GRXCR2: variants seen among roughly 807,000 people sequenced by gnomAD.
GRXCR2 encodes glutaredoxin and cysteine rich domain containing 2, also known as glutaredoxin domain-containing cysteine-rich protein 2.
A neutral mutation model predicts 24.8 loss-of-function variants in GRXCR2; 23 were observed. The observed-to-expected ratio is 0.93, with a 90% CI of 0.67 to 1.32. The LOEUF (loss-of-function observed/expected upper bound fraction) is 1.32. Among genes scored for constraint, GRXCR2 ranks in the 40% most tolerant of loss-of-function variants. The probability of loss-of-function intolerance (pLI) is 0.00; values close to 1 mark genes in which losing one functional copy is unlikely to be tolerated. For missense variants in GRXCR2, 315 were observed against 303.4 expected (o/e 1.04, Z -0.28); for synonymous variants, 130 against 116.1 (o/e 1.12, Z -0.77).
At chr5:145,924,204 G>A (rs1757361688) in intron 2 of GRXCR2, among the ~76,000 whole-genome samples, 1 of 152,122 alleles carries the variant, frequency 6.6e-6, no homozygotes, top group Non-Finnish European at 1.5e-5. Flanking sequence ...ATCTCAAATG[G>A]CAGAGCTAGA....
At chr5:145,862,230 T>C (rs2149908148) in intron 2 of GRXCR2, among the ~76,000 whole-genome samples, 1 of 152,310 alleles carries the variant, frequency 6.6e-6, no homozygotes, top group African/African-American at 2.4e-5. Flanking sequence ...TTCATTTGCA[T>C]AAAACGCCAG....
At chr5:145,864,080 T>G (rs1383998669) in intron 2 of GRXCR2, among the ~76,000 whole-genome samples, 1 of 152,072 alleles carries the variant, frequency 6.6e-6, no homozygotes, top group Non-Finnish European at 1.5e-5. Flanking sequence ...ATGAGGGGTG[T>G]AAGGTGCCCT....
At chr5:145,928,513 A>T in intron 2 of GRXCR2, among the ~76,000 whole-genome samples, 1 of 152,186 alleles carries the variant, frequency 6.6e-6, no homozygotes, top group East Asian at 1.9e-4. Flanking sequence ...CAAATGTCCA[A>T]AAATGATAGA....
At chr5:145,914,674 T>C (rs1581353425) in intron 2 of GRXCR2, among the ~76,000 whole-genome samples, 1 of 51,772 alleles carries the variant, frequency 1.9e-5, no homozygotes, top group African/African-American at 9.6e-5. Flanking sequence ...AGACTCCATC[T>C]CAAAAAAAAA....
intron 2 of GRXCR2, among the ~76,000 whole-genome samples, chr5:145,926,755 T>C (rs1757403269): frequency 6.6e-6 from 1 of 152,244 alleles, no homozygotes; most frequent in African/African-American, 2.4e-5. Flanking sequence ...TTTTTAGCAA[T>C]TCTGTGAAGA....
Position 145,858,833 on chromosome 5 carries a change from C to T in GRXCR2, c.*900G>A, listed in dbSNP as rs987347174. On this transcript the variant is annotated 3_prime_UTR_variant, in exon 3 of 3. Transcript: ENST00000377976. ...ATATTCATGGATAGTAGAAACATTACTGCTAAAAATCAGCCTTGGTTAATT... is the reference window on the plus strand; with the variant it reads ...ATATTCATGGATAGTAGAAACATTATTGCTAAAAATCAGCCTTGGTTAATT... 2.0e-5 allele frequency: 3 copies of T among 152,138 alleles called. No individual in the cohort carries two copies. In the East Asian group the frequency reaches 5.8e-4, roughly 29 times the overall value. The allele number at this position is 152,138 out of a possible 1,614,324, so 9.4% of individuals were successfully genotyped here.
At chr5:145,869,724 A>AT (rs1173951668) in intron 1 of GRXCR2, among the ~76,000 whole-genome samples, 1 of 151,872 alleles carries the variant, frequency 6.6e-6, no homozygotes, top group Admixed American at 6.6e-5. Flanking sequence ...CACCTGGCTA[A>AT]TTTTTTGTAT....
intron 2 of GRXCR2, among the ~76,000 whole-genome samples, chr5:145,919,268 T>C (rs1356025824): frequency 6.6e-6 from 1 of 152,158 alleles, no homozygotes; most frequent in African/African-American, 2.4e-5. Flanking sequence ...GTGACAGCCC[T>C]GGGAGGGCAT....
chr5:145,882,981 T>C (rs1274837904), intron 2 of GRXCR2, among the ~76,000 whole-genome samples: 1 of 128,734 alleles, frequency 7.8e-6, no homozygotes, highest in African/African-American at 3.0e-5. Context: ...ATGAGAACAT[T>C]TGGACACAGG....
upstream of GRXCR2, among the ~76,000 whole-genome samples, chr5:145,877,096 T>C (rs1291913879): frequency 1.3e-5 from 2 of 152,076 alleles, no homozygotes; most frequent in African/African-American, 4.8e-5. Context: ...AAAAATCCAT[T>C]GCTTTCTACC....
At chr5:145,869,585 T>C (rs1354197360) in intron 1 of GRXCR2, among the ~76,000 whole-genome samples, 1 of 141,742 alleles carries the variant, frequency 7.1e-6, no homozygotes, top group Non-Finnish European at 1.5e-5. Flanking sequence ...TGAGACGGAG[T>C]CTTGCTCTGT....
chr5:145,859,763 G>A lies in GRXCR2; in HGVS notation c.717C>T (p.Gly239=). The A allele has an allele frequency of 6.2e-7, 1 of 1,614,180 alleles. No individual in the cohort carries two copies. Among genetic ancestry groups the A allele is most frequent in the Non-Finnish European group, 8.5e-7 (1 of 1,180,034 alleles). ...GATTGCAAATCTGGCAAGGCTGTAG[G>A]CCATTCTCATTGCAGGCAGGGCACC... ...ALRCPACNEN[G]LQPCQICNQ The change falls in exon 3 of 3, where the codon GGC becomes GGT. Residue 239 remains glycine, a synonymous_variant. Coordinates refer to ENST00000377976, the MANE Select transcript of GRXCR2 (RefSeq NM_001080516.2).
chr5:145,889,234 A>T (rs1168215728), intron 2 of GRXCR2, among the ~76,000 whole-genome samples: 1 of 150,080 alleles, frequency 6.7e-6, no homozygotes. Flanking sequence ...GAAAGAAAGA[A>T]AGAAAGAAAG....
intron 2 of GRXCR2, among the ~76,000 whole-genome samples, chr5:145,892,118 C>T (rs1284607130): frequency 2.0e-5 from 3 of 152,068 alleles, no homozygotes; most frequent in African/African-American, 7.2e-5. Flanking sequence ...ACATCCACAC[C>T]AAAACCCCAT....
rs573260357 is a variant in GRXCR2, at chr5:145,922,671, T to C, written c.-70+13030A>G. On this transcript the variant is annotated intron_variant, in intron 2 of 3. Transcript: ENST00000639411. The stretch of plus-strand genomic sequence containing the variant: ...CCATGGAAATGAGAGATGTAATTTT[T>C]CTCTCTCAACACCCTTAAAAAGCTG... Among the ~76,000 whole-genome samples, 18 of 152,326 alleles carry C rather than the reference T, an allele frequency of 1.2e-4. 1 individual carries two copies. Among genetic ancestry groups the C allele is most frequent in the African/African-American group, 3.8e-4 (16 of 41,566 alleles).
At chr5:145,877,775 G>A (rs566466330), upstream of GRXCR2, among the ~76,000 whole-genome samples, 14 of 152,246 alleles carry the variant, frequency 9.2e-5, no homozygotes, top group South Asian at 2.1e-4. Flanking sequence ...AGTAGGGGCC[G>A]ACAGACACCT....
Position 145,859,794 on chromosome 5 carries a change from G to A in GRXCR2, c.686C>T (p.Ala229Val). The A allele has an allele frequency of 6.2e-7, 1 of 1,614,226 alleles. No homozygotes were observed. Among genetic ancestry groups the A allele is most frequent in the East Asian group, 2.2e-5 (1 of 44,886 alleles). ...CTCATTGCAGGCAGGGCACCTCAGG[G>A]CCCGATAGGACTCCTTAAATCTGTT... ...LANRFKESYRALRCPACNENG... is the reference protein window; with the variant it reads ...LANRFKESYRVLRCPACNENG... The change falls in exon 3 of 3, where the codon GCC becomes GTC. Residue 229 changes from alanine (A) to valine (V), a missense_variant. Coordinates refer to ENST00000377976, the MANE Select transcript of GRXCR2 (RefSeq NM_001080516.2).
intron 1 of GRXCR2, among the ~76,000 whole-genome samples, chr5:145,868,292 T>C (rs986258111): frequency 5.3e-5 from 8 of 152,208 alleles, no homozygotes; most frequent in Non-Finnish European, 1.0e-4. Flanking sequence ...CTTATAGGAC[T>C]GTATAAACCA....
intron 2 of GRXCR2, among the ~76,000 whole-genome samples, chr5:145,889,168 CAAAAAAAGAAAG>C (rs1425390188): frequency 3.6e-5 from 2 of 55,278 alleles, no homozygotes; most frequent in African/African-American, 1.3e-4. Context: ...GACTCTGTCT[CAAAAAAAGAAAG>C]AAAGAAAGAA....
Sources: allele counts gnomAD v4.1 joint callset (sites outside exome capture counted in the v4.1 genomes callset), GRCh38; gene constraint gnomAD v4.1.1; transcripts MANE v1.5; gene names NCBI Gene and HGNC (gene_info 2026-07-23, HGNC 2026-07-21).